The following CEP162 variants were observed in gnomAD, a reference collection of about 807,000 sequenced individuals.
The protein encoded by CEP162 is centrosomal protein of 162 kDa.
Under a neutral mutation model 169.2 loss-of-function variants are expected in CEP162, and 141 were observed. The ratio of observed to expected loss-of-function variants is 0.83; its 90% CI spans 0.73 to 0.96. The LOEUF is 0.96. Among genes scored for constraint, CEP162 ranks in the 40% least tolerant of loss-of-function variants. The pLI is 0.00. For synonymous variants in CEP162, 540 were observed against 526.4 expected (o/e 1.03, Z -0.35); for missense variants, 1,600 against 1,587.2 (o/e 1.01, Z -0.14).
chr6:84,187,781 G>A (rs910108657), intron 11 of CEP162, among the ~76,000 whole-genome samples: 8 of 152,124 alleles, frequency 5.3e-5, no homozygotes, highest in African/African-American at 1.2e-4. Flanking sequence ...CATGCCAGCC[G>A]ACCATGGAGA....
rs138534182 is a variant in CEP162 at position 84,185,300 on chromosome 6, T to A, written c.1550A>T (p.Lys517Ile). 30 of 1,613,778 alleles carry A rather than the reference T, an allele frequency of 1.9e-5. No homozygotes were observed. Among genetic ancestry groups the A allele is most frequent in the African/African-American group, 2.7e-5 (2 of 75,034 alleles). ...YASVRSSGYGKPSSPLKMFST... is the reference protein window; with the variant it reads ...YASVRSSGYGIPSSPLKMFST... The stretch of plus-strand genomic sequence containing the variant: ...AAACATCTTGAGTGGTGAACTGGGT[T>A]TGCCATAGCCTGAGCTCCTAACTGA... Residue 517 changes from lysine (K) to isoleucine (I), a missense_variant, in exon 13 of 27, where the codon AAA (lysine) becomes ATA (isoleucine). Coordinates refer to ENST00000403245, the MANE Select transcript of CEP162 (RefSeq NM_014895.4).
rs557082861 is a variant in CEP162, at chr6:84,201,841, G to C, written c.688-74C>G. On this transcript the variant is annotated intron_variant, in intron 7 of 26. Coordinates refer to ENST00000403245, the MANE Select transcript of CEP162 (RefSeq NM_014895.4). ...TAAAATTACCACAATGCAAATAATA[G>C]CAAAATCTGAAATCCAGGGCTTTTT... is the stretch of plus-strand genomic sequence containing the variant. 429 of 740,772 alleles carry C rather than the reference G, an allele frequency of 5.8e-4. 7 individuals carry two copies. In the South Asian group the frequency reaches 7.4e-3, roughly 13 times the overall value. 45.9% of individuals were successfully genotyped at this position (740,772 alleles called of 1,614,324 possible).
intron 13 of CEP162, among the ~76,000 whole-genome samples, chr6:84,176,367 A>G (rs2129223435): frequency 6.6e-6 from 1 of 152,344 alleles, no homozygotes; most frequent in South Asian, 2.1e-4. Flanking sequence ...ATCATATTTA[A>G]TTAGACCGAT....
chr6:84,146,608 T>TA (rs1051473155), intron 25 of CEP162, 79 bp downstream of exon 25: 1 of 637,142 alleles, frequency 1.6e-6, no homozygotes, highest in Admixed American at 3.2e-5. Context: ...TACATTTAGG[T>TA]AAAAAATTTA....
intron 25 of CEP162, among the ~76,000 whole-genome samples, chr6:84,144,026 C>A (rs1252307371): frequency 2.0e-5 from 3 of 151,862 alleles, no homozygotes; most frequent in African/African-American, 2.4e-5. Flanking sequence ...TTCATAATGA[C>A]CTGTGATCCT....
intron 25 of CEP162, among the ~76,000 whole-genome samples, chr6:84,134,225 C>T (rs2099512904): frequency 6.6e-6 from 1 of 152,156 alleles, no homozygotes. Flanking sequence ...GCTTGAGCAT[C>T]CCAGGTCACT....
chr6:84,147,649 T>G (rs898415274), intron 24 of CEP162, among the ~76,000 whole-genome samples: 3 of 152,066 alleles, frequency 2.0e-5, no homozygotes, highest in Non-Finnish European at 4.4e-5. Flanking sequence ...AAAATAAATA[T>G]GAACATTTTT....
At chr6:84,169,763 T>G (rs894515993) in intron 17 of CEP162, among the ~76,000 whole-genome samples, 5 of 152,194 alleles carry the variant, frequency 3.3e-5, no homozygotes, top group South Asian at 4.1e-4. Context: ...GGGTTGTTAA[T>G]GCAGTCCTTG....
intron 13 of CEP162, among the ~76,000 whole-genome samples, chr6:84,182,411 G>C (rs1377807270): frequency 6.6e-6 from 1 of 151,994 alleles, no homozygotes; most frequent in Admixed American, 6.6e-5. Context: ...ACACAAGTTA[G>C]AGCCAAAGAA....
intron 25 of CEP162, among the ~76,000 whole-genome samples, chr6:84,144,989 A>G (rs528047895): frequency 1.3e-5 from 2 of 152,270 alleles, no homozygotes; most frequent in East Asian, 3.9e-4. Context: ...ACACAACTGG[A>G]AACATCAGTT....
chr6:84,151,144 T>C (rs1342585396), intron 23 of CEP162, among the ~76,000 whole-genome samples: 2 of 152,092 alleles, frequency 1.3e-5, no homozygotes, highest in African/African-American at 4.8e-5. Flanking sequence ...AGAATAGTGA[T>C]GAGACTTGAG....
At chr6:84,213,751 T>C (rs916214216) in intron 5 of CEP162, among the ~76,000 whole-genome samples, 3 of 152,052 alleles carry the variant, frequency 2.0e-5, no homozygotes, top group African/African-American at 7.2e-5. Flanking sequence ...TGTTAAGAAA[T>C]AAGAAAAAAG....
intron 25 of CEP162, among the ~76,000 whole-genome samples, chr6:84,128,616 A>C (rs2099509908): frequency 6.6e-6 from 1 of 152,158 alleles, no homozygotes; most frequent in African/African-American, 2.4e-5. Flanking sequence ...AATAGTAGTA[A>C]CTACTCTTTT....
rs6930183 is a variant in CEP162, at chr6:84,134,737, C to G, written c.3871-8225G>C. 3.8e-3 allele frequency among the ~76,000 whole-genome samples: 573 copies of G among 152,268 alleles called. 1 individual carries two copies. The highest frequency in any genetic ancestry group is 0.013 in the African/African-American group (541 of 41,542). Reference sequence around the variant, plus strand: ...ACCTCAGTTGGAAATGTAGAAATCACTTTCCTTCTGTGTTGATCTCACTGA... The same window carrying G: ...ACCTCAGTTGGAAATGTAGAAATCAGTTTCCTTCTGTGTTGATCTCACTGA... On this transcript the variant is annotated intron_variant, in intron 25 of 26. Transcript: ENST00000403245.
chr6:84,145,456 C>A (rs1404759447), intron 25 of CEP162, among the ~76,000 whole-genome samples: 1 of 152,078 alleles, frequency 6.6e-6, no homozygotes, highest in African/African-American at 2.4e-5. Flanking sequence ...TGCCATTGGT[C>A]TTATTGTGAT....
chr6:84,161,084 T>C (rs1281237841), intron 20 of CEP162, among the ~76,000 whole-genome samples, 168 bp from the exon 21 acceptor site: 1 of 152,138 alleles, frequency 6.6e-6, no homozygotes, highest in African/African-American at 2.4e-5. Flanking sequence ...AGGCACTTCC[T>C]AGATCTGGCA....
intron 13 of CEP162, among the ~76,000 whole-genome samples, chr6:84,180,009 C>G (rs2099534087): frequency 6.6e-6 from 1 of 152,122 alleles, no homozygotes; most frequent in African/African-American, 2.4e-5. Context: ...TCAGCATCAT[C>G]CTGATACTAA....
chr6:84,155,300 T>G lies in CEP162; in HGVS notation c.2992A>C (p.Lys998Gln). 6.2e-7 allele frequency: 1 copy of G among 1,612,662 alleles called. No individual in the cohort carries two copies. The highest frequency in any genetic ancestry group is 8.5e-7 in the Non-Finnish European group (1 of 1,179,096). ...RTMEQQFQKM[K>Q]IQYEQRLEQQ... ...CTCTGAGGCTACTTACCACTTACCTTCATTTTCTGAAACTGTTGTTCCATG... is the reference window on the plus strand; with the variant it reads ...CTCTGAGGCTACTTACCACTTACCTGCATTTTCTGAAACTGTTGTTCCATG... The change falls in exon 22 of 27, where the codon AAG becomes CAG. Residue 998 changes from lysine to glutamine, a missense_variant and splice_region_variant. Coordinates refer to ENST00000403245, the MANE Select transcript of CEP162 (RefSeq NM_014895.4).
At chr6:84,185,518 A>G (rs989935470) in intron 12 of CEP162, 70 bp from the exon 13 acceptor site, 10 of 1,309,332 alleles carry the variant, frequency 7.6e-6, no homozygotes, top group African/African-American at 1.5e-5. Context: ...TGAATATTTA[A>G]TAGATGGCAA....
Sources: allele counts gnomAD v4.1 joint callset (sites outside exome capture counted in the v4.1 genomes callset), GRCh38; gene constraint gnomAD v4.1.1; transcripts MANE v1.5; gene names NCBI Gene and HGNC (gene_info 2026-07-23, HGNC 2026-07-21).